The following WASHC5 variants were observed in gnomAD, a reference collection of about 807,000 sequenced individuals.
WASHC5 encodes the protein WASH complex subunit 5, also known as WASH complex subunit strumpellin.
WASHC5 carries 101 observed loss-of-function variants against 150.4 expected under a neutral mutation model. The ratio of observed to expected loss-of-function variants is 0.67; its 90% CI spans 0.57 to 0.79. WASHC5 has a LOEUF of 0.79. Ranked by LOEUF, WASHC5 falls within the 30% of genes least tolerant of loss-of-function variation. The pLI is 0.00. For synonymous variants in WASHC5, 467 were observed against 491.2 expected (o/e 0.95, Z 0.65); for missense variants, 1,195 against 1,396.3 (o/e 0.86, Z 2.30).
At chr8:125,049,226 G>T in intron 18 of WASHC5, 41 bp from the exon 19 acceptor site, 1 of 1,597,598 alleles carries the variant, frequency 6.3e-7, no homozygotes, top group Non-Finnish European at 8.6e-7. Context: ...CACTGGAGTA[G>T]ATTGTCAACT....
Position 125,057,601 on chromosome 8 carries a change from G to A in WASHC5, c.1830C>T (p.Ser610=), listed in dbSNP as rs190138661. Residue 610 remains serine, a synonymous_variant, in exon 15 of 29, where the codon AGC becomes AGT. Transcript: ENST00000318410. The part of the protein sequence containing the change: ...INQANSPDLL[S]VSQYYSGELV... Reference sequence around the variant, plus strand: ...ACTCTCCAGAATAGTACTGTGACACGCTGAGCAGGTCGGGGCTATTTGCCT... The same window carrying A: ...ACTCTCCAGAATAGTACTGTGACACACTGAGCAGGTCGGGGCTATTTGCCT... 122 of 1,613,748 alleles carry A rather than the reference G, an allele frequency of 7.6e-5. No individual in the cohort carries two copies. The highest frequency in any genetic ancestry group is 5.3e-4 in the East Asian group (24 of 44,880).
intron 27 of WASHC5, among the ~76,000 whole-genome samples, chr8:125,029,428 T>C (rs1490580870): frequency 6.6e-6 from 1 of 152,226 alleles, no homozygotes; most frequent in Non-Finnish European, 1.5e-5. Flanking sequence ...TGGGCTGTCA[T>C]AATAGTTAGC....
chr8:125,063,580 C>G lies in WASHC5; in HGVS notation c.1350G>C (p.Met450Ile). Residue 450 changes from methionine to isoleucine, a missense_variant, in exon 11 of 29, where the codon ATG becomes ATC. Physicochemically the swap from Met to Ile is conservative, Grantham distance 10. Around this residue, in one of 3 missense-constraint regions of WASHC5, gnomAD observed 997 missense variants for 1,168.1 expected, o/e 0.85. Transcript: ENST00000318410. ...EHYKKEGSER[M>I]TELADVFSGV... Reference sequence around the variant, plus strand: ...CTGAAAAGACATCAGCAAGCTCAGTCATCCGCTCCGAACCCTCTTTCTTGT... The same window carrying G: ...CTGAAAAGACATCAGCAAGCTCAGTGATCCGCTCCGAACCCTCTTTCTTGT... 6.2e-7 allele frequency: 1 copy of G among 1,613,978 alleles called. No homozygotes were observed.
At chr8:125,091,128 CTT>C (rs201143172) in intron 1 of WASHC5, among the ~76,000 whole-genome samples, 1 of 147,624 alleles carries the variant, frequency 6.8e-6, no homozygotes, top group African/African-American at 2.5e-5. Context: ...GCCCTGGGAA[CTT>C]TTTTTTTTTC....
intron 10 of WASHC5, among the ~76,000 whole-genome samples, chr8:125,064,281 C>T (rs1001798622): frequency 2.6e-5 from 4 of 152,144 alleles, no homozygotes; most frequent in Admixed American, 6.5e-5. Flanking sequence ...TGGCTCACTA[C>T]AACCTTGAAC....
At chr8:125,039,608 T>A (rs1005416150) in intron 24 of WASHC5, among the ~76,000 whole-genome samples, 187 bp downstream of exon 24, 1 of 152,028 alleles carries the variant, frequency 6.6e-6, no homozygotes, top group Non-Finnish European at 1.5e-5. Flanking sequence ...GAGACAGAGA[T>A]AAACGGAGGG....
chr8:125,037,695 G>A (rs1318625130), intron 25 of WASHC5, among the ~76,000 whole-genome samples: 3 of 152,136 alleles, frequency 2.0e-5, no homozygotes, highest in Non-Finnish European at 2.9e-5. Flanking sequence ...AATATAGGGG[G>A]AGTGTGGGAG....
intron 12 of WASHC5, 133 bp from the exon 13 acceptor site, chr8:125,059,675 A>G: frequency 2.9e-6 from 2 of 701,700 alleles, no homozygotes; most frequent in Non-Finnish European, 4.7e-6. Flanking sequence ...TCAAATTATA[A>G]ATTTCAGAAA....
intron 1 of WASHC5, among the ~76,000 whole-genome samples, chr8:125,088,210 G>A (rs1817475369): frequency 6.7e-6 from 1 of 149,120 alleles, no homozygotes; most frequent in Non-Finnish European, 1.5e-5. Flanking sequence ...TTGAGAGGCT[G>A]AGGCACATGG....
intron 3 of WASHC5, among the ~76,000 whole-genome samples, 188 bp from the exon 4 acceptor site, chr8:125,082,655 G>A (rs754202549): frequency 6.6e-5 from 10 of 152,170 alleles, no homozygotes; most frequent in South Asian, 2.1e-4. Context: ...GATATTTATC[G>A]CTGTTCCAAG....
At position 125,043,839 on chromosome 8, in the gene WASHC5, C is replaced by G; in HGVS notation, c.2836G>C (p.Glu946Gln). ...KTQKIWTAYL[E>Q]AIMKVGQMQI... is the part of the protein sequence containing the mutation. ...CTACAACATACCTTCATTATAGCCT[C>G]GAGATACGCAGTCCAAATCTTCTGT... Residue 946 changes from glutamate to glutamine, a missense_variant, in exon 23 of 29, where the codon GAG (glutamate) becomes CAG (glutamine). Glu to Gln is a conservative substitution (Grantham distance 29, BLOSUM62 2). This residue lies in a region of WASHC5 where 997 missense variants were observed against 1,168.1 expected (regional missense o/e 0.85). Transcript: ENST00000318410. 3 of 1,609,626 alleles carry G rather than the reference C, an allele frequency of 1.9e-6. No homozygotes were observed. Among genetic ancestry groups the G allele is most frequent in the Admixed American group, 1.7e-5 (1 of 60,002 alleles).
chr8:125,028,383 G>A lies in WASHC5; in HGVS notation c.3423+237C>T, dbSNP rs57886679. On this transcript the variant is annotated intron_variant, in intron 28 of 28. Coordinates refer to ENST00000318410, the MANE Select transcript of WASHC5 (RefSeq NM_014846.4). ...TCCTGAACCAGATGAGTTGCTGACA[G>A]GAGTACATGGTGGAGAGGAAGAAGA... Among the ~76,000 whole-genome samples the A allele has an allele frequency of 0.11, 16,077 of 152,178 alleles. 999 individuals are homozygous for A. Among genetic ancestry groups the A allele is most frequent in the African/African-American group, 0.16 (6,764 of 41,506 alleles).
chr8:125,044,916 G>A (rs1816016270), intron 20 of WASHC5: 2 of 581,934 alleles, frequency 3.4e-6, no homozygotes, highest in Non-Finnish European at 6.2e-6. Context: ...CCTGCCCTAT[G>A]CCATATCATT....
chr8:125,048,518 A>G (rs1816142800), intron 19 of WASHC5, among the ~76,000 whole-genome samples: 1 of 152,220 alleles, frequency 6.6e-6, no homozygotes, highest in Non-Finnish European at 1.5e-5. Context: ...GGGTGACTAT[A>G]ATTTTAAAAA....
At chr8:125,025,727 G>C (rs1036092888) in intron 28 of WASHC5, among the ~76,000 whole-genome samples, 1 of 152,012 alleles carries the variant, frequency 6.6e-6, no homozygotes, top group African/African-American at 2.4e-5. Context: ...GTGTAGCCCA[G>C]AGCTTAAAAT....
chr8:125,054,863 G>C (rs1304995861), intron 17 of WASHC5, among the ~76,000 whole-genome samples: 1 of 151,194 alleles, frequency 6.6e-6, no homozygotes, highest in Non-Finnish European at 1.5e-5. Context: ...TCTGTACCTG[G>C]GGTGTGAAAT....
intron 17 of WASHC5, among the ~76,000 whole-genome samples, chr8:125,051,470 A>G (rs1335917910): frequency 6.6e-6 from 1 of 152,244 alleles, no homozygotes; most frequent in African/African-American, 2.4e-5. Context: ...AGGGGGTTAC[A>G]AAAACACAAA....
At chr8:125,081,484 T>C (rs921728369) in intron 5 of WASHC5, among the ~76,000 whole-genome samples, 177 bp downstream of exon 5, 16 of 152,326 alleles carry the variant, frequency 1.1e-4, no homozygotes, top group African/African-American at 3.8e-4. Context: ...ATGATCTGCC[T>C]GCCTTGGCCT....
intron 1 of WASHC5, among the ~76,000 whole-genome samples, chr8:125,084,311 G>T (rs1238892244): frequency 6.6e-6 from 1 of 152,164 alleles, no homozygotes; most frequent in Admixed American, 6.5e-5. Flanking sequence ...GGGCATGTGT[G>T]GTTCCAATGT....
Sources: gnomAD v4.1 joint callset for allele counts (sites outside exome capture counted in the v4.1 genomes callset) on GRCh38, gnomAD v4.1.1 for gene constraint, gnomAD v4.1.1 regional missense constraint, MANE v1.5 for transcripts, NCBI Gene and HGNC (gene_info 2026-07-23, HGNC 2026-07-21) for gene names.